Variants in RAI14 observed in about 807,000 individuals in gnomAD.
RAI14 encodes retinoic acid induced 14, also known as ankycorbin.
A neutral mutation model predicts 115.4 loss-of-function variants in RAI14; 45 were observed. That is an observed-to-expected ratio of 0.39 (90% CI 0.31 to 0.50). The LOEUF is 0.50. RAI14 is among the 20% of genes least tolerant of loss of function. The pLI is 0.85. For missense variants in RAI14, 939 were observed against 1,131.2 expected (o/e 0.83, Z 2.44); for synonymous variants, 371 against 415.4 (o/e 0.89, Z 1.30).
At position 34,830,799 on chromosome 5, in the gene RAI14, ATCTG is replaced by A. The variant is rs1316239369; in HGVS notation, c.*38_*41del. ...CCTTGGCAGGACACTGCCCCTTGTC[ATCTG>A]TCTTTGTGTTAGATCCAGAGTTGTC... On this transcript the variant is annotated 3_prime_UTR_variant, in exon 18 of 18. Coordinates refer to ENST00000265109, the MANE Select transcript of RAI14 (RefSeq NM_015577.3). 19 of 1,612,918 alleles carry A rather than the reference ATCTG, an allele frequency of 1.2e-5. No individual in the cohort carries two copies. The highest frequency in any genetic ancestry group is 1.5e-5 in the Non-Finnish European group (18 of 1,179,384).
rs1755992552 is a variant in RAI14, at chr5:34,814,689, A to G, written c.939+20A>G. The G allele has an allele frequency of 1.3e-6, 2 of 1,557,340 alleles. No homozygotes were observed. Among genetic ancestry groups the G allele is most frequent in the Non-Finnish European group, 8.9e-7 (1 of 1,128,734 alleles). On this transcript the variant is annotated intron_variant, in intron 12 of 17. Transcript: ENST00000265109. ...TTCAAGGTATTTCCTTTCTGTATTCAGTTTTGTTACTGTATTTTAAGATAC... is the reference window on the plus strand; with the variant it reads ...TTCAAGGTATTTCCTTTCTGTATTCGGTTTTGTTACTGTATTTTAAGATAC...
At chr5:34,716,432 GAC>G (rs1286402706) in intron 2 of RAI14, among the ~76,000 whole-genome samples, 2 of 151,196 alleles carry the variant, frequency 1.3e-5, no homozygotes, top group East Asian at 3.9e-4. Flanking sequence ...TTTTAATTGA[GAC>G]AGAGTCTCGC....
Position 34,830,925 on chromosome 5 carries a change from GAC to G in RAI14, c.*161_*162del. On this transcript the variant is annotated 3_prime_UTR_variant, in exon 18 of 18. Coordinates refer to ENST00000265109, the MANE Select transcript of RAI14 (RefSeq NM_015577.3). ...TTTCTGAGGACTTCTCCCAGGAGAA[GAC>G]TGCCCGCCTCAGAACTGCTTAGAGA... The G allele has an allele frequency of 1.5e-6, 2 of 1,342,678 alleles. No homozygotes were observed. The highest frequency in any genetic ancestry group is 2.0e-6 in the Non-Finnish European group (2 of 1,011,410). 83.2% of individuals were successfully genotyped at this position (1,342,678 alleles called of 1,614,324 possible). A position where few individuals can be genotyped will look rare whatever the true frequency, so the allele number is the denominator to read the frequency against.
At chr5:34,685,402 A>T (rs1158391891) in intron 1 of RAI14, among the ~76,000 whole-genome samples, 1 of 152,142 alleles carries the variant, frequency 6.6e-6, no homozygotes, top group East Asian at 1.9e-4. Context: ...GTGGGAGCTA[A>T]GTTATAAGGA....
chr5:34,810,689 G>A (rs554115984), intron 7 of RAI14, among the ~76,000 whole-genome samples: 12 of 152,134 alleles, frequency 7.9e-5, no homozygotes, highest in Non-Finnish European at 1.6e-4. Flanking sequence ...CAGTATACCC[G>A]GTACACTTGC....
intron 2 of RAI14, among the ~76,000 whole-genome samples, chr5:34,756,245 G>A (rs1000901514): frequency 4.6e-5 from 7 of 152,158 alleles, no homozygotes; most frequent in African/African-American, 1.7e-4. Context: ...ATACTCCCGG[G>A]GCCGTGGAAG....
intron 2 of RAI14, 111 bp downstream of exon 2, chr5:34,687,066 C>T (rs1385736677): frequency 5.1e-6 from 6 of 1,170,508 alleles, no homozygotes; most frequent in Non-Finnish European, 7.5e-6. Flanking sequence ...TACAGACACT[C>T]AAGTGCTCTT....
At chr5:34,802,172 G>C (rs1367131709) in intron 4 of RAI14, among the ~76,000 whole-genome samples, 3 of 152,236 alleles carry the variant, frequency 2.0e-5, no homozygotes, top group African/African-American at 7.2e-5. Context: ...TGGACCTCTA[G>C]TGGATAGAGG....
intron 3 of RAI14, among the ~76,000 whole-genome samples, chr5:34,787,860 TTATTACA>T (rs1180136407): frequency 1.3e-5 from 2 of 149,824 alleles, no homozygotes; most frequent in Non-Finnish European, 3.0e-5. Context: ...CTTTAATGGT[TTATTACA>T]GGGTTTCTTA....
intron 4 of RAI14, among the ~76,000 whole-genome samples, chr5:34,799,920 C>G (rs1184859413): frequency 6.6e-6 from 1 of 152,158 alleles, no homozygotes; most frequent in Non-Finnish European, 1.5e-5. Context: ...ATCTCCTGAC[C>G]TCGTGATCCG....
chr5:34,795,522 A>G (rs1266571812), intron 3 of RAI14, among the ~76,000 whole-genome samples: 3 of 152,214 alleles, frequency 2.0e-5, no homozygotes, highest in East Asian at 1.9e-4. Context: ...TTTTTAGAGC[A>G]TATCACTTTA....
In RAI14 at chr5:34,712,332, T is replaced by G. The variant is rs542111301; in HGVS notation, c.36+25377T>G. Among the ~76,000 whole-genome samples, 17 of 152,302 alleles carry G rather than the reference T, an allele frequency of 1.1e-4. 1 individual carries two copies. Among genetic ancestry groups the G allele is most frequent in the Admixed American group, 1.1e-3 (17 of 15,294 alleles). On this transcript the variant is annotated intron_variant, in intron 2 of 17. Coordinates refer to ENST00000265109, the MANE Select transcript of RAI14 (RefSeq NM_015577.3). ...AGAGGAAAAGGAACAATTTGGAGTT[T>G]ATATTTAAAAACTCTCTGAGTTCCA...
chr5:34,716,635 A>G (rs1180673624), intron 2 of RAI14, among the ~76,000 whole-genome samples: 2 of 152,024 alleles, frequency 1.3e-5, no homozygotes, highest in African/African-American at 2.4e-5. Flanking sequence ...TTGGTCTTGA[A>G]CTTATGACCT....
At chr5:34,804,290 C>G (rs1754610899) in intron 5 of RAI14, among the ~76,000 whole-genome samples, 1 of 152,170 alleles carries the variant, frequency 6.6e-6, no homozygotes, top group African/African-American at 2.4e-5. Context: ...TAATTTTCAG[C>G]CAACTCCCTG....
chr5:34,756,652 C>T (rs1472516695), intron 2 of RAI14, among the ~76,000 whole-genome samples: 1 of 152,222 alleles, frequency 6.6e-6, no homozygotes, highest in Non-Finnish European at 1.5e-5. Context: ...TTCTCTCCCT[C>T]CTCTGCTCCC....
intron 3 of RAI14, among the ~76,000 whole-genome samples, chr5:34,771,605 C>T (rs1431365496): frequency 1.3e-5 from 2 of 152,086 alleles, no homozygotes; most frequent in Non-Finnish European, 2.9e-5. Context: ...CAGTTCAAGC[C>T]TCCTTTGGCT....
intron 7 of RAI14, among the ~76,000 whole-genome samples, chr5:34,810,687 C>G (rs1442852985): frequency 1.3e-5 from 2 of 152,020 alleles, no homozygotes; most frequent in Non-Finnish European, 2.9e-5. Context: ...CTCAGTATAC[C>G]CGGTACACTT....
At chr5:34,701,944 C>T (rs546562134) in intron 2 of RAI14, among the ~76,000 whole-genome samples, 131 of 152,158 alleles carry the variant, frequency 8.6e-4, no homozygotes, top group African/African-American at 3.1e-3. Context: ...TCCCAAGTAG[C>T]TGGGATTACA....
intron 7 of RAI14, among the ~76,000 whole-genome samples, chr5:34,809,632 G>A (rs1188432980): frequency 6.6e-6 from 1 of 151,290 alleles, no homozygotes; most frequent in Non-Finnish European, 1.5e-5. Context: ...TCTAAACTGG[G>A]AAGAAGGTTA....
Sources: gnomAD v4.1 joint callset for allele counts (sites outside exome capture counted in the v4.1 genomes callset) on GRCh38, gnomAD v4.1.1 for gene constraint, MANE v1.5 for transcripts, NCBI Gene and HGNC (gene_info 2026-07-23, HGNC 2026-07-21) for gene names.